The following DNAH11 variants were observed in gnomAD, a reference collection of about 807,000 sequenced individuals.
The protein encoded by DNAH11 is axonemal beta dynein heavy chain 11.
DNAH11 carries 442 observed loss-of-function variants against 526.0 expected under a neutral mutation model. The ratio of observed to expected loss-of-function variants is 0.84; its 90% CI spans 0.78 to 0.91. The LOEUF is 0.91. Among genes scored for constraint, DNAH11 ranks in the 40% least tolerant of loss-of-function variants. The pLI is 0.00. For synonymous variants in DNAH11, 2,461 were observed against 1,935.9 expected (o/e 1.27, Z -7.12); for missense variants, 6,989 against 5,448.7 (o/e 1.28, Z -8.90).
chr7:21,773,782 C>A lies in DNAH11; in HGVS notation c.9119C>A (p.Ser3040Tyr), dbSNP rs1450750027. The change falls in exon 56 of 82, where the codon TCT (serine) becomes TAT (tyrosine). Residue 3040 changes from serine to tyrosine, a missense_variant. By Grantham distance (144) the Ser-to-Tyr change is moderately radical (BLOSUM62 -2). Coordinates refer to ENST00000409508, the MANE Select transcript of DNAH11 (RefSeq NM_001277115.2). ...TGTTTTCAGCCAGTGCACAAAGACT[C>A]TATTAGCCTTTTCATGGCACATGTT... ...TKGIEPVHKDSISLFMAHVHT... is the reference protein window; with the variant it reads ...TKGIEPVHKDYISLFMAHVHT... 3.1e-6 allele frequency: 5 copies of A among 1,598,724 alleles called. No homozygotes were observed. The highest frequency in any genetic ancestry group is 1.1e-5 in the South Asian group (1 of 87,390).
intron 35 of DNAH11, among the ~76,000 whole-genome samples, chr7:21,696,650 T>A (rs867480789): frequency 1.3e-5 from 2 of 152,326 alleles, no homozygotes; most frequent in Non-Finnish European, 1.5e-5. Context: ...AACTTTTGTT[T>A]AATGGGTGAC....
chr7:21,772,216 C>G (rs979004555), intron 55 of DNAH11, among the ~76,000 whole-genome samples: 3 of 152,332 alleles, frequency 2.0e-5, no homozygotes, highest in South Asian at 2.1e-4. Flanking sequence ...ACTTTCAGCT[C>G]TACCGGAAAC....
At chr7:21,739,436 C>T (rs1785772563) in intron 47 of DNAH11, 135 bp from the exon 48 acceptor site, 2 of 617,378 alleles carry the variant, frequency 3.2e-6, no homozygotes, top group Non-Finnish European at 5.4e-6. Flanking sequence ...TCAAATAAGG[C>T]TCACTAGGTC....
chr7:21,564,466 A>G, intron 6 of DNAH11, 69 bp downstream of exon 6: 1 of 1,144,948 alleles, frequency 8.7e-7, no homozygotes. Context: ...AGACTAGTGA[A>G]GAATAATCTA....
At chr7:21,858,204 G>A (rs1025866308) in intron 68 of DNAH11, among the ~76,000 whole-genome samples, 5 of 152,132 alleles carry the variant, frequency 3.3e-5, no homozygotes, top group Non-Finnish European at 7.4e-5. Context: ...CCACAGAATG[G>A]CTAAAGTTTC....
chr7:21,628,113 C>T (rs1421134758), intron 25 of DNAH11, among the ~76,000 whole-genome samples: 1 of 151,864 alleles, frequency 6.6e-6, no homozygotes, highest in Admixed American at 6.6e-5. Flanking sequence ...CATATAAATG[C>T]AACTGTTTTT....
chr7:21,850,386 A>C (rs1782584313), intron 66 of DNAH11, among the ~76,000 whole-genome samples: 1 of 151,444 alleles, frequency 6.6e-6, no homozygotes, highest in Non-Finnish European at 1.5e-5. Context: ...GAAAAAGAAA[A>C]AAAATTCTTC....
At chr7:21,736,160 A>T (rs1253772462) in intron 46 of DNAH11, among the ~76,000 whole-genome samples, 2 of 152,232 alleles carry the variant, frequency 1.3e-5, no homozygotes, top group African/African-American at 4.8e-5. Flanking sequence ...ATATAAGGGT[A>T]TACTCAAGGA....
chr7:21,797,995 A>G (rs1022104089), intron 61 of DNAH11, among the ~76,000 whole-genome samples: 1 of 152,244 alleles, frequency 6.6e-6, no homozygotes, highest in Non-Finnish European at 1.5e-5. Context: ...AGGTATTACT[A>G]GGAGTAGTCC....
intron 55 of DNAH11, among the ~76,000 whole-genome samples, chr7:21,767,643 T>C (rs1787238196): frequency 6.6e-6 from 1 of 152,184 alleles, no homozygotes; most frequent in African/African-American, 2.4e-5. Context: ...GTCAGATGAT[T>C]TCATTTCAGT....
intron 2 of DNAH11, among the ~76,000 whole-genome samples, chr7:21,548,327 G>A (rs576576083): frequency 7.6e-4 from 116 of 152,250 alleles, no homozygotes; most frequent in Admixed American, 5.2e-3. Context: ...CTTTGAGGGC[G>A]TTCTTAGTAT....
At chr7:21,644,730 GA>G (rs765444083) in intron 28 of DNAH11, among the ~76,000 whole-genome samples, 4 of 152,220 alleles carry the variant, frequency 2.6e-5, no homozygotes, top group Non-Finnish European at 5.9e-5. Flanking sequence ...GTCTGTCACA[GA>G]AAGTACAGTG....
chr7:21,638,912 G>A (rs771560236), intron 27 of DNAH11, 27 bp from the exon 28 acceptor site: 1 of 1,592,470 alleles, frequency 6.3e-7, no homozygotes, highest in Non-Finnish European at 8.5e-7. Context: ...GACAAGATAT[G>A]CTTAAAAACA....
intron 73 of DNAH11, among the ~76,000 whole-genome samples, chr7:21,871,102 A>G (rs79163431): frequency 6.6e-6 from 1 of 152,230 alleles, no homozygotes; most frequent in African/African-American, 2.4e-5. Context: ...CAATGTGATC[A>G]ATTATTATGA....
intron 74 of DNAH11, among the ~76,000 whole-genome samples, chr7:21,880,170 A>T (rs1783863428): frequency 6.6e-6 from 1 of 152,262 alleles, no homozygotes; most frequent in East Asian, 1.9e-4. Context: ...ATGACCTGGA[A>T]GTTATACACA....
At chr7:21,727,476 A>G (rs1785177368) in intron 45 of DNAH11, among the ~76,000 whole-genome samples, 1 of 152,246 alleles carries the variant, frequency 6.6e-6, no homozygotes, top group Non-Finnish European at 1.5e-5. Flanking sequence ...CACGTTTCAC[A>G]GTCATGTGAC....
intron 28 of DNAH11, among the ~76,000 whole-genome samples, chr7:21,639,655 C>G (rs1306888877): frequency 6.6e-6 from 1 of 152,254 alleles, no homozygotes; most frequent in Middle Eastern, 3.4e-3. Flanking sequence ...AATCTGAGAG[C>G]TCAGATCAGG....
Position 21,698,168 on chromosome 7 carries a change from G to A in DNAH11, c.6135G>A (p.Lys2045=). ...TGGATGCGCGTGCATTAGCCCGAAAGTTCATTACGTTGTACACGCTTTGCA... is the reference window on the plus strand; with the variant it reads ...TGGATGCGCGTGCATTAGCCCGAAAATTCATTACGTTGTACACGCTTTGCA... ...GFVDARALAR[K]FITLYTLCKE... Residue 2045 remains lysine, a synonymous_variant, in exon 36 of 82, where the codon AAG becomes AAA. Coordinates refer to ENST00000409508, the MANE Select transcript of DNAH11 (RefSeq NM_001277115.2). 1.2e-6 allele frequency: 2 copies of A among 1,613,668 alleles called. No homozygotes were observed. The highest frequency in any genetic ancestry group is 1.7e-6 in the Non-Finnish European group (2 of 1,179,716).
At chr7:21,707,920 C>T (rs1200600840) in intron 40 of DNAH11, 85 bp downstream of exon 40, 10 of 1,381,914 alleles carry the variant, frequency 7.2e-6, no homozygotes, top group Admixed American at 5.0e-5. Context: ...TAGTCATAGT[C>T]GCAGACTTAC....
Sources: allele counts gnomAD v4.1 joint callset (sites outside exome capture counted in the v4.1 genomes callset), GRCh38; gene constraint gnomAD v4.1.1; transcripts MANE v1.5; gene names NCBI Gene and HGNC (gene_info 2026-07-23, HGNC 2026-07-21).